The following PLEKHG4 variants were observed in gnomAD, a reference collection of about 807,000 sequenced individuals.
PLEKHG4 encodes the protein pleckstrin homology and RhoGEF domain containing G4.
In PLEKHG4, 85 loss-of-function variants were observed where a neutral mutation model predicts 136.9. The observed-to-expected ratio is 0.62, with a 90% CI of 0.52 to 0.74. PLEKHG4 has a LOEUF of 0.74. Ranked by LOEUF, PLEKHG4 falls within the 30% of genes least tolerant of loss-of-function variation. The probability of loss-of-function intolerance (pLI) is 0.00; values close to 1 mark genes in which losing one functional copy is unlikely to be tolerated. For synonymous variants in PLEKHG4, 577 were observed against 646.9 expected (o/e 0.89, Z 1.64); for missense variants, 1,317 against 1,527.8 (o/e 0.86, Z 2.30).
rs755807150 is a variant in PLEKHG4, at chr16:67,281,222, T to C, written c.813+38T>C. On this transcript the variant is annotated intron_variant, in intron 5 of 21. Coordinates refer to ENST00000379344, the MANE Select transcript of PLEKHG4 (RefSeq NM_001129729.3). Reference sequence around the variant, plus strand: ...TTGTAGCTCCCCTCATTCCTTTTCTTTTCTTTTTTTTTTTTTTTGAGACGG... The same window carrying C: ...TTGTAGCTCCCCTCATTCCTTTTCTCTTCTTTTTTTTTTTTTTTGAGACGG... 5.4e-6 allele frequency: 7 copies of C among 1,305,422 alleles called. No individual in the cohort carries two copies. The African/African-American group carries it at 1.5e-4, about 27-fold the overall frequency. 80.9% of individuals were successfully genotyped at this position (1,305,422 alleles called of 1,614,324 possible).
In PLEKHG4 at chr16:67,286,548, G is replaced by T. The variant is rs143124208; in HGVS notation, c.2636G>T (p.Arg879Leu). ...GCACTGCTGCTGCAGGAGCTGGCAC[G>T]GGCCTGCGGGGGCCCCACGCAGGAG... ...KYALLLQELARACGGPTQELS... is the reference protein window; with the variant it reads ...KYALLLQELALACGGPTQELS... Residue 879 changes from arginine (R) to leucine (L), a missense_variant, in exon 16 of 22, where the codon CGG (arginine) becomes CTG (leucine). Transcript: ENST00000379344. 2 of 1,567,404 alleles carry T rather than the reference G, an allele frequency of 1.3e-6. No individual in the cohort carries two copies. Among genetic ancestry groups the T allele is most frequent in the Non-Finnish European group, 1.7e-6 (2 of 1,155,056 alleles).
chr16:67,288,726 G>A (rs1451770961), intron 21 of PLEKHG4, 77 bp from the exon 22 acceptor site: 1 of 1,601,720 alleles, frequency 6.2e-7, no homozygotes, highest in Non-Finnish European at 8.6e-7. Flanking sequence ...GGGGTGGGTG[G>A]GCCAGAGCCA....
At position 67,288,029 on chromosome 16, in the gene PLEKHG4, A is replaced by T. The variant is rs765883868; in HGVS notation, c.3220+15A>T. The stretch of plus-strand genomic sequence containing the variant: ...GAAGTGCCGAGGTAGCAGGCAGGCT[A>T]CAGGGTGTGGGGGTGGGAGTAGGAA... On this transcript the variant is annotated intron_variant, in intron 19 of 21. Coordinates refer to ENST00000379344, the MANE Select transcript of PLEKHG4 (RefSeq NM_001129729.3). 1.3e-5 allele frequency: 21 copies of T among 1,586,590 alleles called. No homozygotes were observed. The Middle Eastern group carries it at 1.2e-3, about 88-fold the overall frequency.
At chr16:67,286,943 C>T in intron 17 of PLEKHG4, 24 bp downstream of exon 17, 2 of 1,613,264 alleles carry the variant, frequency 1.2e-6, no homozygotes, top group South Asian at 2.2e-5. Context: ...CCCCAGGCCC[C>T]ACCACTTGTT....
At position 67,286,544 on chromosome 16, in the gene PLEKHG4, G is replaced by GC. The variant is rs765274585; in HGVS notation, c.2633dup (p.Arg879ThrfsTer40). Reference sequence around the variant, plus strand: ...GTACGCACTGCTGCTGCAGGAGCTGGCACGGGCCTGCGGGGGCCCCACGCA... The same window carrying GC: ...GTACGCACTGCTGCTGCAGGAGCTGGCCACGGGCCTGCGGGGGCCCCACGCA... On this transcript the variant is annotated frameshift_variant, in exon 16 of 22. Coordinates refer to ENST00000379344, the MANE Select transcript of PLEKHG4 (RefSeq NM_001129729.3). LOFTEE classifies it high-confidence loss of function. 28 of 1,571,404 alleles carry GC rather than the reference G, an allele frequency of 1.8e-5. No homozygotes were observed. In the Middle Eastern group the frequency reaches 5.0e-4, roughly 28 times the overall value.
upstream of PLEKHG4, chr16:67,279,321 G>A (rs959637043): frequency 1.3e-5 from 2 of 152,278 alleles, no homozygotes; most frequent in South Asian, 3.7e-4. Context: ...GCGGGGCGGG[G>A]CTGGCGGGCT....
In PLEKHG4 at chr16:67,287,253, C is replaced by T. The variant is rs1419091563; in HGVS notation, c.3103+76C>T. On this transcript the variant is annotated intron_variant, in intron 18 of 21. Coordinates refer to ENST00000379344, the MANE Select transcript of PLEKHG4 (RefSeq NM_001129729.3). Reference sequence around the variant, plus strand: ...CATTGACCCACAGGAGCCCAGAGACCTGGGAAAAGCTCGGGAAGTGGGGAG... The same window carrying T: ...CATTGACCCACAGGAGCCCAGAGACTTGGGAAAAGCTCGGGAAGTGGGGAG... 6 of 1,490,782 alleles carry T rather than the reference C, an allele frequency of 4.0e-6. No individual in the cohort carries two copies. In the African/African-American group the frequency reaches 8.2e-5, roughly 20 times the overall value. The allele number at this position is 1,490,782 out of a possible 1,614,324, so 92.3% of individuals were successfully genotyped here. A position where few individuals can be genotyped will look rare whatever the true frequency, so the allele number is the denominator to read the frequency against.
Position 67,287,262 on chromosome 16 carries a change from G to C in PLEKHG4, c.3103+85G>C. ...ACAGGAGCCCAGAGACCTGGGAAAA[G>C]CTCGGGAAGTGGGGAGAAGGCCCAG... On this transcript the variant is annotated intron_variant, in intron 18 of 21. Transcript: ENST00000379344. 4 of 1,446,682 alleles carry C rather than the reference G, an allele frequency of 2.8e-6. No individual in the cohort carries two copies. In the Admixed American group the frequency reaches 5.1e-5, roughly 18 times the overall value. The allele number at this position is 1,446,682 out of a possible 1,614,324, so 89.6% of individuals were successfully genotyped here. A position where few individuals can be genotyped will look rare whatever the true frequency, so the allele number is the denominator to read the frequency against.
chr16:67,286,670 A>G lies in PLEKHG4; in HGVS notation c.2754+4A>G. ...GGACGCCATCCAGGGCTGTGATGTG[A>G]GTCATCCCAGGGCAAGGGCAGTGGG... is the stretch of plus-strand genomic sequence containing the variant. On this transcript the variant is annotated splice_donor_region_variant and intron_variant, in intron 16 of 21. Coordinates refer to ENST00000379344, the MANE Select transcript of PLEKHG4 (RefSeq NM_001129729.3). 1 of 1,578,040 alleles carries G rather than the reference A, an allele frequency of 6.3e-7. No homozygotes were observed. The highest frequency in any genetic ancestry group is 8.6e-7 in the Non-Finnish European group (1 of 1,161,284).
At position 67,289,130 on chromosome 16, in the gene PLEKHG4, C is replaced by G; in HGVS notation, c.*322C>G. 2.0e-6 allele frequency: 1 copy of G among 506,898 alleles called. No homozygotes were observed. 31.4% of individuals were successfully genotyped at this position (506,898 alleles called of 1,614,324 possible). ...TCCATGCTGTAGGCTGGTGGGGGAC[C>G]ATGTGCCTCTAGGCAGTGACTAGGG... On this transcript the variant is annotated 3_prime_UTR_variant, in exon 22 of 22. Transcript: ENST00000379344.
In PLEKHG4 at chr16:67,286,779, C is replaced by G. The variant is rs780083304; in HGVS notation, c.2785C>G (p.Arg929Gly). 3 of 1,614,014 alleles carry G rather than the reference C, an allele frequency of 1.9e-6. No homozygotes were observed. Among genetic ancestry groups the G allele is most frequent in the South Asian group, 2.2e-5 (2 of 91,088 alleles). The change falls in exon 17 of 22, where the codon CGA becomes GGA. Residue 929 changes from arginine to glycine, a missense_variant. Arg to Gly is a moderately radical substitution (Grantham distance 125). Coordinates refer to ENST00000379344, the MANE Select transcript of PLEKHG4 (RefSeq NM_001129729.3). ...VNLKEQGQLV[R>G]QDEFVVRTGR... The stretch of plus-strand genomic sequence containing the variant: ...CCTCAAGGAACAGGGGCAGCTGGTG[C>G]GACAGGATGAGTTTGTGGTGCGCAC...
At chr16:67,283,900 C>T (rs1189687758) in intron 11 of PLEKHG4, among the ~76,000 whole-genome samples, 1 of 151,724 alleles carries the variant, frequency 6.6e-6, no homozygotes, top group Non-Finnish European at 1.5e-5. Flanking sequence ...GGAAGGGGAG[C>T]AGGACGAGCC....
chr16:67,284,542 T>TG lies in PLEKHG4; in HGVS notation c.1692+87dup. ...GCTTCAGCAGAGCCTGAGCTTTTCTTGGTCATGCTGCCTGTTCTCTTCCCT... is the reference window on the plus strand; with the variant it reads ...GCTTCAGCAGAGCCTGAGCTTTTCTTGGGTCATGCTGCCTGTTCTCTTCCCT... On this transcript the variant is annotated intron_variant, in intron 12 of 21. Coordinates refer to ENST00000379344, the MANE Select transcript of PLEKHG4 (RefSeq NM_001129729.3). This position sits in a 1 kb window ranked among gnomAD's most constrained non-coding sequence, Gnocchi z 4.4. The TG allele has an allele frequency of 6.6e-7, 1 of 1,509,832 alleles. No individual in the cohort carries two copies. Among genetic ancestry groups the TG allele is most frequent in the East Asian group, 2.3e-5 (1 of 43,648 alleles). 93.5% of individuals were successfully genotyped at this position (1,509,832 alleles called of 1,614,324 possible).
chr16:67,286,137 G>T, intron 14 of PLEKHG4, 137 bp from the exon 15 acceptor site: 1 of 724,008 alleles, frequency 1.4e-6, no homozygotes. Context: ...AAGCAGGGAA[G>T]ACTGGGTCTG....
rs781192070 is a variant in PLEKHG4 at position 67,282,057 on chromosome 16, C to T, written c.1054C>T (p.Gln352Ter). ...QNCQAACALL[Q>*]GAIESVKAVP... Reference sequence around the variant, plus strand: ...CTGCCAGGCAGCTTGTGCCCTGCTCCAGGGGGCCATCGAAAGTGTGAAGGC... The same window carrying T: ...CTGCCAGGCAGCTTGTGCCCTGCTCTAGGGGGCCATCGAAAGTGTGAAGGC... The change falls in exon 8 of 22, where the codon CAG becomes TAG. Residue 352 changes from glutamine (Q) to a stop codon, truncating the protein, a stop_gained. Coordinates refer to ENST00000379344, the MANE Select transcript of PLEKHG4 (RefSeq NM_001129729.3). LOFTEE classifies it high-confidence loss of function. The T allele has an allele frequency of 6.2e-7, 1 of 1,613,598 alleles. No homozygotes were observed. The highest frequency in any genetic ancestry group is 2.2e-5 in the East Asian group (1 of 44,866).
chr16:67,284,748 G>A lies in PLEKHG4; in HGVS notation c.1728G>A (p.Leu576=). 1 of 1,613,898 alleles carries A rather than the reference G, an allele frequency of 6.2e-7. No homozygotes were observed. The highest frequency in any genetic ancestry group is 8.5e-7 in the Non-Finnish European group (1 of 1,179,952). Residue 576 remains leucine, a synonymous_variant, in exon 13 of 22, where the codon TTG becomes TTA. Coordinates refer to ENST00000379344, the MANE Select transcript of PLEKHG4 (RefSeq NM_001129729.3). The surrounding 1 kb of genome is among the most constrained non-coding windows in gnomAD (Gnocchi z 4.4). ...GGGCTGAGGAGGGGCAGCGAGTGTT[G>A]GCAGAGCTGGAGCAGGAACGCCCGG... The part of the protein sequence containing the change: ...LTWAEEGQRV[L]AELEQERPGV...
rs1056109056 is a variant in PLEKHG4, at chr16:67,281,724, C to T, written c.892C>T (p.Leu298=). The change falls in exon 7 of 22, where the codon CTG becomes TTG. Residue 298 remains leucine (L), a splice_region_variant and synonymous_variant. Coordinates refer to ENST00000379344, the MANE Select transcript of PLEKHG4 (RefSeq NM_001129729.3). ...GTCACAACACCTTCTTCTCCTGTAG[C>T]TGGAGCAGTTGCCTTCTCAGAGCCT... ...LLKEVPSGLQ[L]EQLPSQSLLT... 6.2e-6 allele frequency: 10 copies of T among 1,613,894 alleles called. No individual in the cohort carries two copies. The Admixed American group carries it at 1.5e-4, about 24-fold the overall frequency.
Position 67,284,492 on chromosome 16 carries a change from T to C in PLEKHG4, c.1692+35T>C, listed in dbSNP as rs1413965386. 1 of 1,607,176 alleles carries C rather than the reference T, an allele frequency of 6.2e-7. No homozygotes were observed. The highest frequency in any genetic ancestry group is 8.5e-7 in the Non-Finnish European group (1 of 1,174,480). On this transcript the variant is annotated intron_variant, in intron 12 of 21. Transcript: ENST00000379344. This position sits in a 1 kb window ranked among gnomAD's most constrained non-coding sequence, Gnocchi z 4.4. Reference sequence around the variant, plus strand: ...AGTCTCCCCAGCTCCAAGTGATCCATGAGGCCGGAGGGATGGCAGCCCCAG... The same window carrying C: ...AGTCTCCCCAGCTCCAAGTGATCCACGAGGCCGGAGGGATGGCAGCCCCAG...
Position 67,285,073 on chromosome 16 carries a change from A to C in PLEKHG4, c.2053A>C (p.Ser685Arg), listed in dbSNP as rs1487761870. ...AYSFDRNLGQ[S>R]LSEPACHCHH... Reference sequence around the variant, plus strand: ...CAGCTTCGATCGGAATCTGGGGCAGAGTCTCAGTGAACCTGCCTGCCACTG... The same window carrying C: ...CAGCTTCGATCGGAATCTGGGGCAGCGTCTCAGTGAACCTGCCTGCCACTG... The change falls in exon 13 of 22, where the codon AGT becomes CGT. Residue 685 changes from serine to arginine, a missense_variant. Transcript: ENST00000379344. 3.1e-6 allele frequency: 5 copies of C among 1,613,430 alleles called. No individual in the cohort carries two copies. The highest frequency in any genetic ancestry group is 4.2e-6 in the Non-Finnish European group (5 of 1,180,010).
Sources: gnomAD v4.1 joint callset for allele counts (sites outside exome capture counted in the v4.1 genomes callset) on GRCh38, gnomAD v4.1.1 for gene constraint, Gnocchi (gnomAD v3.1) non-coding constraint, MANE v1.5 for transcripts, NCBI Gene and HGNC (gene_info 2026-07-23, HGNC 2026-07-21) for gene names.